LINGO2: variants seen among roughly 807,000 people sequenced by gnomAD.
The protein encoded by LINGO2 is leucine-rich repeat and immunoglobulin-like domain-containing nogo receptor-interacting protein 2.
LINGO2 carries 14 observed loss-of-function variants against 30.6 expected under a neutral mutation model. The observed-to-expected ratio is 0.46, with a 90% confidence interval of 0.30 to 0.72. The LOEUF (loss-of-function observed/expected upper bound fraction) is 0.72, where lower values mean the gene tolerates loss of function less well. LINGO2 is among the 30% of genes least tolerant of loss of function. The pLI, the probability that LINGO2 is intolerant of heterozygous loss-of-function variation, is 0.07. For synonymous variants in LINGO2, 317 were observed against 288.5 expected, an observed-to-expected ratio of 1.10 and a Z score of -1.00; for missense variants, 729 against 751.7, an observed-to-expected ratio of 0.97 and a Z score of 0.35.
At chr9:28,271,415 C>T (rs1173411241) in intron 4 of LINGO2, among the ~76,000 whole-genome samples, 1 of 152,018 alleles carries the variant, frequency 6.6e-6, no homozygotes, top group East Asian at 1.9e-4. Context: ...CCAGTGAAAA[C>T]ATACAGAGCT....
chr9:28,401,033 G>A (rs1180514755), intron 2 of LINGO2, among the ~76,000 whole-genome samples: 1 of 152,070 alleles, frequency 6.6e-6, no homozygotes, highest in African/African-American at 2.4e-5. Context: ...ATACGGAAAT[G>A]TGTTTGCATT....
At chr9:28,252,791 G>A (rs903566102) in intron 4 of LINGO2, among the ~76,000 whole-genome samples, 8 of 152,030 alleles carry the variant, frequency 5.3e-5, no homozygotes, top group Non-Finnish European at 1.0e-4. Context: ...TACACAGTGA[G>A]TAGTAATAGT....
At chr9:27,961,064 C>G (rs960615286) in intron 5 of LINGO2, among the ~76,000 whole-genome samples, 11 of 152,054 alleles carry the variant, frequency 7.2e-5, no homozygotes, top group Admixed American at 5.3e-4. Context: ...GCCCATACAA[C>G]CATTCTGTTT....
intron 4 of LINGO2, among the ~76,000 whole-genome samples, chr9:28,121,489 T>C (rs1418611129): frequency 6.6e-6 from 1 of 152,174 alleles, no homozygotes; most frequent in Non-Finnish European, 1.5e-5. Flanking sequence ...TTCTTTCTTG[T>C]TGTTGGACTT....
intron 2 of LINGO2, among the ~76,000 whole-genome samples, chr9:28,421,920 C>G (rs1174584568): frequency 1.7e-4 from 26 of 151,992 alleles, no homozygotes; most frequent in Admixed American, 1.7e-3. Context: ...AAAGAACAAT[C>G]TTTTCAACAA....
chr9:28,308,785 T>A (rs1210312617), intron 3 of LINGO2, among the ~76,000 whole-genome samples: 4 of 151,504 alleles, frequency 2.6e-5, no homozygotes, highest in African/African-American at 7.3e-5. Flanking sequence ...ATGAACAGAC[T>A]CTTCTCAAAA....
intron 1 of LINGO2, among the ~76,000 whole-genome samples, chr9:28,487,555 A>C (rs539600804): frequency 6.6e-6 from 1 of 152,258 alleles, no homozygotes; most frequent in South Asian, 2.1e-4. Context: ...AACATTCTCT[A>C]CTTCTTCTCA....
At chr9:29,014,323 T>C in the LINGO2 span, among the ~76,000 whole-genome samples, 2 of 152,134 alleles carry the variant, frequency 1.3e-5, no homozygotes, top group Admixed American at 6.6e-5. Flanking sequence ...AAGTTAACCA[T>C]CATGGGATCT....
chr9:28,018,277 C>G lies in LINGO2; in HGVS notation c.-86-5872G>C, dbSNP rs1380177559. 4.6e-5 allele frequency among the ~76,000 whole-genome samples: 7 copies of G among 152,094 alleles called. No homozygotes were observed. In the South Asian group the frequency reaches 1.2e-3, roughly 27 times the overall value. On this transcript the variant is annotated intron_variant, in intron 4 of 5. Coordinates refer to ENST00000379992, the Ensembl canonical transcript of LINGO2. Reference sequence around the variant, plus strand: ...GTCCCAGAGGAAAACCTAGAAAATACCATTCTGGACATAGACCCTGGCAAA... The same window carrying G: ...GTCCCAGAGGAAAACCTAGAAAATAGCATTCTGGACATAGACCCTGGCAAA...
chr9:28,066,879 A>C (rs1478852919), intron 4 of LINGO2, among the ~76,000 whole-genome samples: 2 of 151,964 alleles, frequency 1.3e-5, no homozygotes, highest in Non-Finnish European at 1.5e-5. Context: ...ACTATTCTTC[A>C]GAATAATGGT....
intron 3 of LINGO2, among the ~76,000 whole-genome samples, chr9:28,325,859 A>T (rs1825209596): frequency 6.6e-6 from 1 of 152,174 alleles, no homozygotes; most frequent in Non-Finnish European, 1.5e-5. Context: ...CTATTAGCTC[A>T]CACCAGGGCT....
chr9:28,169,605 T>C (rs1358704622), intron 4 of LINGO2, among the ~76,000 whole-genome samples: 3 of 152,286 alleles, frequency 2.0e-5, no homozygotes, highest in Admixed American at 2.0e-4. Context: ...ACGTAGTGAA[T>C]AAAATGGACA....
chr9:28,665,364 T>C (rs924911949), intron 1 of LINGO2, among the ~76,000 whole-genome samples: 5 of 152,106 alleles, frequency 3.3e-5, no homozygotes, highest in African/African-American at 1.2e-4. Flanking sequence ...GCCAAATATG[T>C]GCAACACATT....
the LINGO2 span, among the ~76,000 whole-genome samples, chr9:29,179,833 T>C: frequency 6.6e-6 from 1 of 152,210 alleles, no homozygotes. Flanking sequence ...TCTTAAAATA[T>C]AGAATAAAGT....
chr9:28,323,693 ATAAGTTCGGAGAAC>A (rs1825127739), intron 3 of LINGO2, among the ~76,000 whole-genome samples: 1 of 152,202 alleles, frequency 6.6e-6, no homozygotes, highest in South Asian at 2.1e-4. Flanking sequence ...CAAAGCAAAC[ATAAGTTCGGAGAAC>A]AATGGCAGGA....
chr9:28,188,500 G>C (rs35533797), intron 4 of LINGO2, among the ~76,000 whole-genome samples: 1 of 151,720 alleles, frequency 6.6e-6, no homozygotes, highest in African/African-American at 2.4e-5. Context: ...CGCCTGAGAT[G>C]ACTATCTTTC....
intron 4 of LINGO2, among the ~76,000 whole-genome samples, chr9:28,109,102 A>C (rs1343709503): frequency 6.6e-6 from 1 of 152,248 alleles, no homozygotes; most frequent in Non-Finnish European, 1.5e-5. Context: ...TATGCAAATC[A>C]ATAAACATAA....
chr9:28,216,149 G>A (rs1202756607), intron 4 of LINGO2, among the ~76,000 whole-genome samples: 2 of 151,872 alleles, frequency 1.3e-5, no homozygotes, highest in Admixed American at 6.6e-5. Flanking sequence ...TGTCATGTTA[G>A]TGGAATGCAT....
chr9:29,165,568 AACAGTCCTAAGC>A, the LINGO2 span, among the ~76,000 whole-genome samples: 2 of 152,064 alleles, frequency 1.3e-5, no homozygotes, highest in Middle Eastern at 3.4e-3. Context: ...ATTTTCTCTA[AACAGTCCTAAGC>A]ACTCAGGCTT....
Sources: gnomAD v4.1 joint callset for allele counts (sites outside exome capture counted in the v4.1 genomes callset) on GRCh38, gnomAD v4.1.1 for gene constraint, MANE v1.5 for transcripts, NCBI Gene and HGNC (gene_info 2026-07-23, HGNC 2026-07-21) for gene names.